Variants in FRMD6 observed in about 807,000 individuals in gnomAD.
FRMD6 encodes the protein FERM domain-containing protein 6.
FRMD6 carries 37 observed loss-of-function variants against 73.2 expected under a neutral mutation model. That is an observed-to-expected ratio of 0.51 (90% CI 0.39 to 0.66). The LOEUF (loss-of-function observed/expected upper bound fraction) is 0.66. Ranked by LOEUF, FRMD6 falls within the 30% of genes least tolerant of loss-of-function variation. The probability of loss-of-function intolerance (pLI) is 0.00; values close to 1 mark genes in which losing one functional copy is unlikely to be tolerated. For synonymous variants in FRMD6, 273 were observed against 282.2 expected (o/e 0.97, Z 0.33); for missense variants, 714 against 780.5 (o/e 0.91, Z 1.02).
chr14:51,434,575 A>G, the FRMD6 span, among the ~76,000 whole-genome samples: 6 of 151,982 alleles, frequency 3.9e-5, no homozygotes, highest in Non-Finnish European at 7.4e-5. Flanking sequence ...TTGAGAAAGG[A>G]CAATTCTTTC....
the FRMD6 span, among the ~76,000 whole-genome samples, chr14:51,401,035 C>A: frequency 6.6e-6 from 1 of 152,194 alleles, no homozygotes; most frequent in African/African-American, 2.4e-5. Context: ...ATTTTGAAGA[C>A]TTTAAATAGC....
In FRMD6 at chr14:51,689,983, G is replaced by A. The variant is rs1163258114; in HGVS notation, c.99+48G>A. 3 of 1,177,118 alleles carry A rather than the reference G, an allele frequency of 2.5e-6. No homozygotes were observed. In the South Asian group the frequency reaches 3.7e-5, roughly 14 times the overall value. 72.9% of individuals were successfully genotyped at this position (1,177,118 alleles called of 1,614,324 possible). On this transcript the variant is annotated intron_variant, in intron 2 of 13. Transcript: ENST00000344768. ...ATGTCTAAATATTGTGTTTTCACCA[G>A]TGGCCACATTCAACTTATGACTTGA...
At chr14:51,588,829 G>A (rs1171531212) in intron 2 of FRMD6, among the ~76,000 whole-genome samples, 1 of 152,152 alleles carries the variant, frequency 6.6e-6, no homozygotes, top group African/African-American at 2.4e-5. Flanking sequence ...ACCCACACAG[G>A]GGACAAAGGA....
chr14:51,420,087 C>T, the FRMD6 span, among the ~76,000 whole-genome samples: 8 of 152,316 alleles, frequency 5.3e-5, no homozygotes, highest in Middle Eastern at 3.4e-3. Flanking sequence ...AGCACATTCA[C>T]TTCCCAGGCA....
chr14:51,537,570 G>A (rs1362322398), intron 1 of FRMD6, among the ~76,000 whole-genome samples: 1 of 152,166 alleles, frequency 6.6e-6, no homozygotes, highest in Non-Finnish European at 1.5e-5. Context: ...AGTTAGTTTT[G>A]TAAGAAACAG....
At chr14:51,550,590 C>CG (rs1555374787) in intron 1 of FRMD6, among the ~76,000 whole-genome samples, 1 of 151,040 alleles carries the variant, frequency 6.6e-6, no homozygotes, top group South Asian at 2.1e-4. Flanking sequence ...ACCCCCCCGC[C>CG]ATGCTTATAG....
chr14:51,400,751 A>G, the FRMD6 span, among the ~76,000 whole-genome samples: 1 of 152,222 alleles, frequency 6.6e-6, no homozygotes, highest in Non-Finnish European at 1.5e-5. Flanking sequence ...AAGACAGCCT[A>G]CAGGCTGTGA....
At chr14:51,531,608 G>A (rs1885587405) in intron 1 of FRMD6, among the ~76,000 whole-genome samples, 1 of 152,156 alleles carries the variant, frequency 6.6e-6, no homozygotes. Context: ...AGAAAAATGT[G>A]TTGTATCTAC....
At chr14:51,644,845 T>C (rs975120364) in intron 2 of FRMD6, among the ~76,000 whole-genome samples, 7 of 151,840 alleles carry the variant, frequency 4.6e-5, no homozygotes, top group African/African-American at 1.7e-4. Flanking sequence ...TATAAAAATG[T>C]TTTTACAAGA....
At chr14:51,553,914 C>A (rs907473878) in intron 1 of FRMD6, among the ~76,000 whole-genome samples, 3 of 151,960 alleles carry the variant, frequency 2.0e-5, no homozygotes, top group Non-Finnish European at 4.4e-5. Flanking sequence ...AAAATAGCAC[C>A]CTAATATCTT....
intron 1 of FRMD6, among the ~76,000 whole-genome samples, chr14:51,680,719 T>G (rs1894734109): frequency 6.6e-6 from 1 of 152,068 alleles, no homozygotes; most frequent in Admixed American, 6.6e-5. Context: ...GTATTTGTGA[T>G]TTAGGGGATG....
chr14:51,525,070 A>AATAGATAG lies in FRMD6; in HGVS notation c.-210+35696_-210+35703dup, dbSNP rs75865493. On this transcript the variant is annotated intron_variant, in intron 1 of 14. Coordinates refer to the FRMD6 transcript ENST00000356218. The stretch of plus-strand genomic sequence containing the variant: ...GAGAGAGAGAGAGACAGACAAATAG[A>AATAGATAG]ATAGATAGATAGATAGATAGATAGA... 8.7e-3 allele frequency among the ~76,000 whole-genome samples: 889 copies of AATAGATAG among 101,986 alleles called. 8 individuals carry two copies. Among genetic ancestry groups the AATAGATAG allele is most frequent in the East Asian group, 0.044 (143 of 3,268 alleles). The allele number at this position is 101,986 out of a possible 152,430, so 66.9% of individuals were successfully genotyped here.
At chr14:51,435,203 G>A in the FRMD6 span, among the ~76,000 whole-genome samples, 1 of 152,186 alleles carries the variant, frequency 6.6e-6, no homozygotes, top group African/African-American at 2.4e-5. Flanking sequence ...TATATAAGAT[G>A]TGGTCAAGAA....
chr14:51,526,932 A>G (rs1301851296), intron 1 of FRMD6, among the ~76,000 whole-genome samples: 1 of 152,224 alleles, frequency 6.6e-6, no homozygotes, highest in Admixed American at 6.5e-5. Context: ...TCAGCTGAAG[A>G]CATATTACTA....
At chr14:51,404,573 A>G in the FRMD6 span, among the ~76,000 whole-genome samples, 2 of 152,260 alleles carry the variant, frequency 1.3e-5, no homozygotes, top group East Asian at 1.9e-4. Context: ...TGATCTTTAT[A>G]TAAGCCATAA....
chr14:51,650,154 A>G (rs1021129234), upstream of FRMD6: 1 of 152,224 alleles, frequency 6.6e-6, no homozygotes, highest in African/African-American at 2.4e-5. Context: ...TTTATCAGAA[A>G]TAAGTTCTGA....
At chr14:51,480,255 C>T in the FRMD6 span, among the ~76,000 whole-genome samples, 1 of 152,302 alleles carries the variant, frequency 6.6e-6, no homozygotes, top group South Asian at 2.1e-4. Flanking sequence ...TCTGGTGCCA[C>T]ATTTTCTGAG....
intron 1 of FRMD6, among the ~76,000 whole-genome samples, chr14:51,664,924 G>C (rs1339956946): frequency 6.6e-6 from 1 of 152,122 alleles, no homozygotes; most frequent in Non-Finnish European, 1.5e-5. Flanking sequence ...GCAGTGCTGG[G>C]GATTTTACAT....
At chr14:51,399,423 T>C in the FRMD6 span, among the ~76,000 whole-genome samples, 30 of 152,350 alleles carry the variant, frequency 2.0e-4, no homozygotes, top group Non-Finnish European at 3.8e-4. Context: ...CATTTTTCGG[T>C]AGATACATGA....
Sources: allele counts gnomAD v4.1 joint callset (sites outside exome capture counted in the v4.1 genomes callset), GRCh38; gene constraint gnomAD v4.1.1; transcripts MANE v1.5; gene names NCBI Gene and HGNC (gene_info 2026-07-23, HGNC 2026-07-21).